Variants in WWTR1 observed in about 807,000 individuals in gnomAD.
WWTR1 encodes WW domain-containing transcription regulator protein 1.
WWTR1 carries 13 observed loss-of-function variants against 40.1 expected under a neutral mutation model. The ratio of observed to expected loss-of-function variants is 0.32; its 90% CI spans 0.21 to 0.52. The LOEUF (loss-of-function observed/expected upper bound fraction) is 0.52. WWTR1 is among the 20% of genes least tolerant of loss of function. The pLI is 0.97. For missense variants in WWTR1, 436 were observed against 523.1 expected (o/e 0.83, Z 1.63); for synonymous variants, 230 against 210.1 (o/e 1.09, Z -0.82).
intron 2 of WWTR1, among the ~76,000 whole-genome samples, chr3:149,630,183 G>A (rs1425602445): frequency 2.0e-5 from 3 of 151,892 alleles, no homozygotes; most frequent in East Asian, 1.9e-4. Context: ...TCTTCGGTGC[G>A]TTTTTTTCTT....
chr3:149,594,525 A>T (rs1314980494), intron 2 of WWTR1, among the ~76,000 whole-genome samples: 1 of 152,194 alleles, frequency 6.6e-6, no homozygotes, highest in African/African-American at 2.4e-5. Context: ...TTTGTGAAAA[A>T]TTTTAACCTA....
chr3:149,718,390 A>G (rs1715664359), intron 4 of WWTR1, among the ~76,000 whole-genome samples: 1 of 152,238 alleles, frequency 6.6e-6, no homozygotes, highest in South Asian at 2.1e-4. Flanking sequence ...CTCTGTTCAC[A>G]CAGGCTCAAC....
intron 2 of WWTR1, among the ~76,000 whole-genome samples, chr3:149,589,385 G>A (rs1368525428): frequency 1.3e-5 from 2 of 152,076 alleles, no homozygotes; most frequent in East Asian, 3.9e-4. Context: ...ACCTACTCTT[G>A]CAGCTGTATT....
At chr3:149,712,204 T>G (rs1448326410) in intron 5 of WWTR1, among the ~76,000 whole-genome samples, 2 of 152,208 alleles carry the variant, frequency 1.3e-5, no homozygotes, top group African/African-American at 4.8e-5. Flanking sequence ...GTGGGAGGAT[T>G]GAGGCCAGGA....
At chr3:149,553,440 T>C (rs1041253393) in intron 3 of WWTR1, among the ~76,000 whole-genome samples, 1 of 152,178 alleles carries the variant, frequency 6.6e-6, no homozygotes, top group Non-Finnish European at 1.5e-5. Context: ...TCAACGTGAA[T>C]CGCATGTTTT....
At chr3:149,601,840 C>T (rs759124121) in intron 2 of WWTR1, among the ~76,000 whole-genome samples, 3 of 152,044 alleles carry the variant, frequency 2.0e-5, no homozygotes, top group Non-Finnish European at 4.4e-5. Flanking sequence ...AAAGGCAGTA[C>T]AGCAAGTAAG....
At chr3:149,597,154 A>G (rs1346412582) in intron 2 of WWTR1, among the ~76,000 whole-genome samples, 1 of 152,188 alleles carries the variant, frequency 6.6e-6, no homozygotes, top group Non-Finnish European at 1.5e-5. Flanking sequence ...TGTTAGGTAA[A>G]CAGTGCCAAT....
chr3:149,583,623 A>C (rs200194176), intron 2 of WWTR1, among the ~76,000 whole-genome samples: 1 of 152,250 alleles, frequency 6.6e-6, no homozygotes, highest in African/African-American at 2.4e-5. Context: ...CAATGCAGCC[A>C]GTTTCTTCCA....
Position 149,607,135 on chromosome 3 carries a change from T to C in WWTR1, c.432-34135A>G, listed in dbSNP as rs77142001. ...AAAGCCATGACGCAGTTTTAACAGA[T>C]ATTACTATTTTCAGTTGCTTTTACT... On this transcript the variant is annotated intron_variant, in intron 2 of 6. Coordinates refer to ENST00000360632, the MANE Select transcript of WWTR1 (RefSeq NM_015472.6). Among the ~76,000 whole-genome samples, 1,156 of 152,332 alleles carry C rather than the reference T, an allele frequency of 7.6e-3. 15 individuals are homozygous for C. The highest frequency in any genetic ancestry group is 0.025 in the African/African-American group (1,057 of 41,564).
At chr3:149,577,653 A>G (rs1737949401) in intron 2 of WWTR1, among the ~76,000 whole-genome samples, 1 of 152,214 alleles carries the variant, frequency 6.6e-6, no homozygotes. Context: ...TTGGCTGGAA[A>G]TGGTAGGTTA....
At chr3:149,522,356 T>A (rs528010898) in intron 6 of WWTR1, among the ~76,000 whole-genome samples, 1 of 152,268 alleles carries the variant, frequency 6.6e-6, no homozygotes, top group East Asian at 1.9e-4. Context: ...CAATTTGGAT[T>A]TTGGTGATAG....
At chr3:149,634,114 GA>G (rs1187369211) in intron 2 of WWTR1, among the ~76,000 whole-genome samples, 6 of 152,120 alleles carry the variant, frequency 3.9e-5, no homozygotes, top group Admixed American at 3.3e-4. Context: ...TCCAGAAAGG[GA>G]AAAATAATGA....
intron 1 of WWTR1, among the ~76,000 whole-genome samples, chr3:149,689,634 G>A (rs1714757627): frequency 6.6e-6 from 1 of 152,054 alleles, no homozygotes; most frequent in Non-Finnish European, 1.5e-5. Context: ...ACTATATCCT[G>A]TGGAAATATC....
chr3:149,639,174 T>A (rs768723621), intron 2 of WWTR1, among the ~76,000 whole-genome samples: 28 of 152,228 alleles, frequency 1.8e-4, no homozygotes, highest in Non-Finnish European at 3.4e-4. Flanking sequence ...TCTTCTTTGT[T>A]ATTCAGAGTA....
chr3:149,552,230 C>T (rs2107957667), intron 3 of WWTR1, among the ~76,000 whole-genome samples: 1 of 144,822 alleles, frequency 6.9e-6, no homozygotes, highest in South Asian at 2.2e-4. Context: ...TCCCCCTACC[C>T]CTCAGGACCA....
chr3:149,527,414 T>C (rs1735371843), intron 5 of WWTR1, among the ~76,000 whole-genome samples: 1 of 152,152 alleles, frequency 6.6e-6, no homozygotes, highest in Non-Finnish European at 1.5e-5. Context: ...CCCAAAGTGC[T>C]GGGATTATAG....
rs1253923675 is a variant in WWTR1 at position 149,698,298 on chromosome 3, G to A, written c.-108+4826C>T. Among the ~76,000 whole-genome samples the A allele has an allele frequency of 3.9e-5, 6 of 152,142 alleles. No homozygotes were observed. The East Asian group carries it at 9.6e-4, about 24-fold the overall frequency. On this transcript the variant is annotated intron_variant, in intron 1 of 7. Coordinates refer to the WWTR1 transcript ENST00000465804. ...CTCGTGATAGTGAGTGAGTTCTCAC[G>A]AGATCTGATAGTTTTCTAAGGGGCT...
chr3:149,672,070 C>T (rs891239503), intron 1 of WWTR1, among the ~76,000 whole-genome samples: 4 of 151,994 alleles, frequency 2.6e-5, no homozygotes, highest in Non-Finnish European at 4.4e-5. Context: ...GCTTGTGGGC[C>T]TATTTTTGTG....
intron 2 of WWTR1, among the ~76,000 whole-genome samples, chr3:149,587,894 G>T (rs1029890024): frequency 2.6e-5 from 4 of 152,102 alleles, no homozygotes; most frequent in South Asian, 2.1e-4. Context: ...CTTACGGCGG[G>T]TTATTCTCGC....
Sources: allele counts gnomAD v4.1 joint callset (sites outside exome capture counted in the v4.1 genomes callset), GRCh38; gene constraint gnomAD v4.1.1; transcripts MANE v1.5; gene names NCBI Gene and HGNC (gene_info 2026-07-23, HGNC 2026-07-21).